IVNS1ABP: variants seen among roughly 807,000 people sequenced by gnomAD.
The protein encoded by IVNS1ABP is influenza virus NS1A-binding protein.
IVNS1ABP carries 25 observed loss-of-function variants against 78.9 expected under a neutral mutation model. The ratio of observed to expected loss-of-function variants is 0.32; its 90% CI spans 0.23 to 0.44. IVNS1ABP has a LOEUF of 0.44. Ranked by LOEUF, IVNS1ABP falls within the 20% of genes least tolerant of loss-of-function variation. IVNS1ABP has a pLI of 1.00. For missense variants in IVNS1ABP, 494 were observed against 768.9 expected (o/e 0.64, Z 4.23); for synonymous variants, 241 against 259.7 (o/e 0.93, Z 0.69).
Position 185,309,499 on chromosome 1 carries a change from C to T in IVNS1ABP, c.-6G>A, listed in dbSNP as rs1451770647. 4 of 1,560,848 alleles carry T rather than the reference C, an allele frequency of 2.6e-6. No individual in the cohort carries two copies. In the South Asian group the frequency reaches 3.4e-5, roughly 13 times the overall value. On this transcript the variant is annotated 5_prime_UTR_variant, in exon 3 of 15. Coordinates refer to ENST00000367498, the MANE Select transcript of IVNS1ABP (RefSeq NM_006469.5). ...AAATATCCATTGGGAATCATTTTTC[C>T]TTATAAATTTGGCTAGATGATGAAA...
Position 185,298,964 on chromosome 1 carries a change from T to C in IVNS1ABP, c.1676-676A>G, listed in dbSNP as rs1339278187. ...AAACAGAGTTATGATTATTTTCAAA[T>C]AGATAAAATGTTAGCAATAAATACT... On this transcript the variant is annotated intron_variant, in intron 14 of 14. Transcript: ENST00000367498. The surrounding 1 kb of genome is among the most constrained non-coding windows in gnomAD (Gnocchi z 4.1). The C allele has an allele frequency of 1.3e-5, 2 of 152,232 alleles. No individual in the cohort carries two copies. Among genetic ancestry groups the C allele is most frequent in the African/African-American group, 2.4e-5 (1 of 41,442 alleles). The allele number at this position is 152,232 out of a possible 1,614,324, so 9.4% of individuals were successfully genotyped here. A position where few individuals can be genotyped will look rare whatever the true frequency, so the allele number is the denominator to read the frequency against.
chr1:185,314,948 T>C (rs1171649231), intron 1 of IVNS1ABP, among the ~76,000 whole-genome samples: 1 of 152,236 alleles, frequency 6.6e-6, no homozygotes, highest in African/African-American at 2.4e-5. Context: ...TAGTATGATG[T>C]TAAGTATAGG....
intron 1 of IVNS1ABP, among the ~76,000 whole-genome samples, chr1:185,315,583 G>A (rs1315673173): frequency 6.6e-6 from 1 of 152,190 alleles, no homozygotes; most frequent in Admixed American, 6.5e-5. Flanking sequence ...GGCGTTAAAT[G>A]ATACTAGTCT....
At position 185,297,742 on chromosome 1, in the gene IVNS1ABP, G is replaced by A. The variant is rs1289734635; in HGVS notation, c.*293C>T. ...ATGTGCAAATTGGCAAAACAAATGT[G>A]GAGGAGAGGGGACTTCTTGAAATGA... On this transcript the variant is annotated 3_prime_UTR_variant, in exon 15 of 15. Coordinates refer to ENST00000367498, the MANE Select transcript of IVNS1ABP (RefSeq NM_006469.5). 1 of 395,410 alleles carries A rather than the reference G, an allele frequency of 2.5e-6. No individual in the cohort carries two copies. The highest frequency in any genetic ancestry group is 4.5e-6 in the Non-Finnish European group (1 of 219,978). 24.5% of individuals were successfully genotyped at this position (395,410 alleles called of 1,614,324 possible).
rs767290254 is a variant in IVNS1ABP, at chr1:185,300,361, G to A, written c.1243-18C>T. 5 of 1,613,438 alleles carry A rather than the reference G, an allele frequency of 3.1e-6. No individual in the cohort carries two copies. Among genetic ancestry groups the A allele is most frequent in the Non-Finnish European group, 4.2e-6 (5 of 1,179,654 alleles). ...AGCTGGCCCTATGCCAAAAGTGAGAGATGAGAATTTCTAACATCCTGAAGT... is the reference window on the plus strand; with the variant it reads ...AGCTGGCCCTATGCCAAAAGTGAGAAATGAGAATTTCTAACATCCTGAAGT... On this transcript the variant is annotated intron_variant, in intron 11 of 14. Coordinates refer to ENST00000367498, the MANE Select transcript of IVNS1ABP (RefSeq NM_006469.5).
chr1:185,317,193 T>A lies in IVNS1ABP; in HGVS notation c.-487A>T. ...GCGCCGAAGCAGCAGGCGGAGAAAC[T>A]GCGCCCAGCAGCTCTGAGCGACCGA... On this transcript the variant is annotated 5_prime_UTR_variant, in exon 1 of 15. Coordinates refer to ENST00000367498, the MANE Select transcript of IVNS1ABP (RefSeq NM_006469.5). 5.0e-6 allele frequency: 2 copies of A among 396,404 alleles called. No homozygotes were observed. Among genetic ancestry groups the A allele is most frequent in the Non-Finnish European group, 8.9e-6 (2 of 225,744 alleles). The allele number at this position is 396,404 out of a possible 1,614,324, so 24.6% of individuals were successfully genotyped here.
Position 185,300,428 on chromosome 1 carries a change from T to C in IVNS1ABP, c.1242+9A>G, listed in dbSNP as rs1571738922. The C allele has an allele frequency of 6.2e-7, 1 of 1,613,484 alleles. No individual in the cohort carries two copies. Among genetic ancestry groups the C allele is most frequent in the African/African-American group, 1.3e-5 (1 of 74,874 alleles). ...AATAGGGGTTGCTCCTGCAACATAA[T>C]GCGCTTACCATGAGTACAGCCATTT... On this transcript the variant is annotated intron_variant, in intron 11 of 14. Transcript: ENST00000367498.
intron 1 of IVNS1ABP, among the ~76,000 whole-genome samples, chr1:185,312,623 T>C (rs1665917725): frequency 6.6e-6 from 1 of 152,208 alleles, no homozygotes; most frequent in South Asian, 2.1e-4. Flanking sequence ...GTTGGGATTG[T>C]TGTGAATGCT....
At chr1:185,316,483 C>A (rs1474929976) in intron 1 of IVNS1ABP, among the ~76,000 whole-genome samples, 1 of 152,226 alleles carries the variant, frequency 6.6e-6, no homozygotes, top group East Asian at 1.9e-4. Context: ...CTCGAGAGCT[C>A]TTCCAGAAGA....
Position 185,307,483 on chromosome 1 carries a change from C to T in IVNS1ABP, c.531+6G>A, listed in dbSNP as rs1288043491. 1.9e-6 allele frequency: 3 copies of T among 1,608,764 alleles called. No homozygotes were observed. The highest frequency in any genetic ancestry group is 1.7e-5 in the Admixed American group (1 of 59,790). ...TATATATCTGTTTATAGACTTTACT[C>T]CTTACCTTTAGCCTTGGAAGCTTAA... On this transcript the variant is annotated splice_donor_region_variant and intron_variant, in intron 6 of 14. Transcript: ENST00000367498.
In IVNS1ABP at chr1:185,297,800, C is replaced by T; in HGVS notation, c.*235G>A. 4.0e-6 allele frequency: 2 copies of T among 503,150 alleles called. No individual in the cohort carries two copies. Among genetic ancestry groups the T allele is most frequent in the Non-Finnish European group, 3.5e-6 (1 of 286,048 alleles). 31.2% of individuals were successfully genotyped at this position (503,150 alleles called of 1,614,324 possible). A position where few individuals can be genotyped will look rare whatever the true frequency, so the allele number is the denominator to read the frequency against. ...AATCAATTCTTGGTTTATTCTTTTC[C>T]AAAAAGTAAAATAACCAAAGTCTTA... is the stretch of plus-strand genomic sequence containing the variant. On this transcript the variant is annotated 3_prime_UTR_variant, in exon 15 of 15. Transcript: ENST00000367498.
chr1:185,298,304 G>GA lies in IVNS1ABP; in HGVS notation c.1676-17dup. The GA allele has an allele frequency of 6.2e-7, 1 of 1,610,050 alleles. No homozygotes were observed. Among genetic ancestry groups the GA allele is most frequent in the Non-Finnish European group, 8.5e-7 (1 of 1,177,364 alleles). On this transcript the variant is annotated splice_polypyrimidine_tract_variant and intron_variant, in intron 14 of 14. Transcript: ENST00000367498. The surrounding 1 kb of genome is among the most constrained non-coding windows in gnomAD (Gnocchi z 4.1). ...AACAGTTTTCCTAAAAGAGAAATGA[G>GA]ATGGGGTAAATCCAGAGATTAAAGT...
chr1:185,311,857 T>G (rs1665892113), intron 1 of IVNS1ABP, among the ~76,000 whole-genome samples: 1 of 152,216 alleles, frequency 6.6e-6, no homozygotes, highest in South Asian at 2.1e-4. Flanking sequence ...CCATAGAGCC[T>G]CTGCCAAATG....
chr1:185,308,730 G>T, intron 5 of IVNS1ABP, 70 bp downstream of exon 5: 1 of 1,137,650 alleles, frequency 8.8e-7, no homozygotes, highest in Non-Finnish European at 1.3e-6. Flanking sequence ...GATGTTTTAT[G>T]ACAAATTCAG....
rs1327258229 is a variant in IVNS1ABP at position 185,299,616 on chromosome 1, CT to C, written c.1675+93del. The C allele has an allele frequency of 5.1e-5, 59 of 1,145,950 alleles. No homozygotes were observed. In the Middle Eastern group the frequency reaches 7.8e-4, roughly 15 times the overall value. The allele number at this position is 1,145,950 out of a possible 1,614,324, so 71.0% of individuals were successfully genotyped here. A position where few individuals can be genotyped will look rare whatever the true frequency, so the allele number is the denominator to read the frequency against. ...GAGATGACTGCTTCTGAATTCTTAA[CT>C]GTACAACTATAGTCATTGGCCTTTT... On this transcript the variant is annotated intron_variant, in intron 14 of 14. Coordinates refer to ENST00000367498, the MANE Select transcript of IVNS1ABP (RefSeq NM_006469.5).
In IVNS1ABP at chr1:185,311,106, G is replaced by A; in HGVS notation, c.-30C>T. On this transcript the variant is annotated 5_prime_UTR_variant, in exon 2 of 15. Coordinates refer to ENST00000367498, the MANE Select transcript of IVNS1ABP (RefSeq NM_006469.5). ...GAACATTCACTTACCTACTCTGTTG[G>A]TGGCAAATGTATTTCTGGGAACTCT... The A allele has an allele frequency of 2.7e-6, 1 of 370,096 alleles. No homozygotes were observed. The highest frequency in any genetic ancestry group is 3.7e-5 in the East Asian group (1 of 26,774). 22.9% of individuals were successfully genotyped at this position (370,096 alleles called of 1,614,324 possible). A position where few individuals can be genotyped will look rare whatever the true frequency, so the allele number is the denominator to read the frequency against.
In IVNS1ABP at chr1:185,310,880, GA is replaced by G. The variant is rs914313158; in HGVS notation, c.-19+214del. On this transcript the variant is annotated intron_variant, in intron 2 of 14. Coordinates refer to ENST00000367498, the MANE Select transcript of IVNS1ABP (RefSeq NM_006469.5). ...ACAACAGAGATCTTATCTCTTTAAG[GA>G]AAAAAAAAAAGGCAGTAAGAAATTT... Among the ~76,000 whole-genome samples, 204 of 138,054 alleles carry G rather than the reference GA, an allele frequency of 1.5e-3. 1 individual carries two copies. Among genetic ancestry groups the G allele is most frequent in the African/African-American group, 3.8e-3 (145 of 37,746 alleles). 90.6% of individuals were successfully genotyped at this position (138,054 alleles called of 152,430 possible). A position where few individuals can be genotyped will look rare whatever the true frequency, so the allele number is the denominator to read the frequency against.
intron 6 of IVNS1ABP, 34 bp downstream of exon 6, chr1:185,307,455 T>G: frequency 6.7e-7 from 1 of 1,502,164 alleles, no homozygotes; most frequent in South Asian, 1.2e-5. Context: ...TGGAACTAGA[T>G]AGTATATATC....
chr1:185,315,752 AAAAG>A (rs1666000051), intron 1 of IVNS1ABP, among the ~76,000 whole-genome samples: 1 of 152,226 alleles, frequency 6.6e-6, no homozygotes, highest in Non-Finnish European at 1.5e-5. Context: ...TAGAATTATT[AAAAG>A]AAAGCATGGC....
Sources: allele counts gnomAD v4.1 joint callset (sites outside exome capture counted in the v4.1 genomes callset), GRCh38; gene constraint gnomAD v4.1.1; non-coding constraint Gnocchi (gnomAD v3.1); transcripts MANE v1.5; gene names NCBI Gene and HGNC (gene_info 2026-07-23, HGNC 2026-07-21).